SUSD4: variants seen among roughly 807,000 people sequenced by gnomAD.
SUSD4 encodes sushi domain-containing protein 4.
SUSD4 carries 41 observed loss-of-function variants against 50.5 expected under a neutral mutation model. That is an observed-to-expected ratio of 0.81 (90% CI 0.63 to 1.05). SUSD4 has a LOEUF of 1.05. Ranked by LOEUF, SUSD4 falls within the 50% of genes least tolerant of loss-of-function variation. The pLI is 0.00. For synonymous variants in SUSD4, 257 were observed against 257.3 expected (o/e 1.00, Z 0.01); for missense variants, 580 against 634.7 (o/e 0.91, Z 0.93).
intron 5 of SUSD4, among the ~76,000 whole-genome samples, chr1:223,242,883 A>G (rs140410973): frequency 6.6e-6 from 1 of 152,248 alleles, no homozygotes; most frequent in Admixed American, 6.5e-5. Flanking sequence ...GTGTGGGGAA[A>G]AGAAAGCATC....
chr1:223,315,656 G>A (rs1284539365), intron 2 of SUSD4, among the ~76,000 whole-genome samples: 1 of 152,156 alleles, frequency 6.6e-6, no homozygotes, highest in African/African-American at 2.4e-5. Context: ...CCGTGGTCTG[G>A]TTTTGTCTAT....
intron 2 of SUSD4, among the ~76,000 whole-genome samples, chr1:223,355,534 T>C (rs1033492766): frequency 2.6e-5 from 4 of 152,146 alleles, no homozygotes; most frequent in African/African-American, 4.8e-5. Flanking sequence ...TCTTTCTTTC[T>C]TAAAAAGAAT....
chr1:223,364,841 C>G (rs1157627972), upstream of SUSD4, among the ~76,000 whole-genome samples: 2 of 152,128 alleles, frequency 1.3e-5, no homozygotes, highest in Non-Finnish European at 2.9e-5. This position sits in a 1 kb window ranked among gnomAD's most constrained non-coding sequence, Gnocchi z 4.5. Context: ...CCGCGTTAAC[C>G]CCTCCCCGCT....
Position 223,222,146 on chromosome 1 carries a change from T to A in SUSD4, c.*46A>T. The stretch of plus-strand genomic sequence containing the variant: ...TGTGACCTCACTCCAAGATACAAGG[T>A]CCTTTCCCCGAAGGAGCAGGAGAGT... On this transcript the variant is annotated 3_prime_UTR_variant, in exon 9 of 9. Transcript: ENST00000366878. The A allele has an allele frequency of 6.2e-7, 1 of 1,603,458 alleles. No homozygotes were observed. The highest frequency in any genetic ancestry group is 1.1e-5 in the South Asian group (1 of 89,142).
chr1:223,360,681 CT>C (rs527298209), intron 2 of SUSD4, among the ~76,000 whole-genome samples: 3 of 151,800 alleles, frequency 2.0e-5, no homozygotes, highest in South Asian at 2.1e-4. Flanking sequence ...TGGGCACATG[CT>C]TTTTTTTTCT....
intron 2 of SUSD4, among the ~76,000 whole-genome samples, chr1:223,354,234 C>T (rs1361660039): frequency 2.0e-5 from 3 of 151,904 alleles, no homozygotes; most frequent in African/African-American, 7.3e-5. Flanking sequence ...ATAAGTCTCC[C>T]GCCCCCAAAT....
chr1:223,257,773 A>G (rs1344393247), intron 5 of SUSD4, among the ~76,000 whole-genome samples: 3 of 152,176 alleles, frequency 2.0e-5, no homozygotes, highest in Non-Finnish European at 4.4e-5. Flanking sequence ...GGGAGCTGAG[A>G]GACCCTGCGT....
chr1:223,244,954 C>T (rs1378319762), intron 5 of SUSD4, among the ~76,000 whole-genome samples: 1 of 152,066 alleles, frequency 6.6e-6, no homozygotes, highest in Admixed American at 6.5e-5. Flanking sequence ...GATGAGCTGT[C>T]CAGGAAAGTC....
intron 2 of SUSD4, among the ~76,000 whole-genome samples, chr1:223,295,408 T>G (rs1319926701): frequency 1.3e-5 from 2 of 152,126 alleles, no homozygotes; most frequent in East Asian, 3.8e-4. Context: ...CTATGTCAAA[T>G]AGAACCAGTG....
At chr1:223,326,074 G>C (rs1459265512) in intron 2 of SUSD4, among the ~76,000 whole-genome samples, 1 of 152,114 alleles carries the variant, frequency 6.6e-6, no homozygotes, top group Non-Finnish European at 1.5e-5. Context: ...CAAATCTGGA[G>C]GCATAACATT....
intron 3 of SUSD4, among the ~76,000 whole-genome samples, chr1:223,275,381 T>C (rs1352683705): frequency 6.6e-6 from 1 of 152,236 alleles, no homozygotes; most frequent in Non-Finnish European, 1.5e-5. Context: ...AATTATTTTA[T>C]CTTTAAAGAA....
At chr1:223,259,626 G>T (rs1448764576) in intron 5 of SUSD4, among the ~76,000 whole-genome samples, 1 of 152,170 alleles carries the variant, frequency 6.6e-6, no homozygotes, top group Non-Finnish European at 1.5e-5. Flanking sequence ...CTAACGGGTT[G>T]TGGGTGGTCC....
At chr1:223,356,568 G>T (rs891999190) in intron 2 of SUSD4, among the ~76,000 whole-genome samples, 2 of 152,058 alleles carry the variant, frequency 1.3e-5, no homozygotes, top group Admixed American at 1.3e-4. Context: ...GAGCCACCGT[G>T]CCTGGCCAGA....
At chr1:223,264,483 TG>T (rs1382086208) in intron 5 of SUSD4, 146 bp downstream of exon 5, 1 of 1,388,538 alleles carries the variant, frequency 7.2e-7, no homozygotes, top group Admixed American at 3.0e-5. Context: ...TCACGGCAGC[TG>T]ATCTCTGCTC....
At chr1:223,280,511 G>A (rs6662301) in intron 3 of SUSD4, among the ~76,000 whole-genome samples, 75,422 of 151,706 alleles carry the variant, frequency 0.5, 20,985 homozygotes, top group African/African-American at 0.76. Flanking sequence ...TAATGGTAAA[G>A]GGATCAATTC....
rs1272073888 is a variant in SUSD4, at chr1:223,252,658, G to GTTT, written c.724+11969_724+11971dup. Among the ~76,000 whole-genome samples the GTTT allele has an allele frequency of 5.9e-5, 9 of 151,974 alleles. No homozygotes were observed. In the East Asian group the frequency reaches 1.7e-3, roughly 29 times the overall value. ...AATACAGACTGATGTAGGCACAGGT[G>GTTT]TTTACTTGTGATAGCTTGAACTAAG... is the stretch of plus-strand genomic sequence containing the variant. On this transcript the variant is annotated intron_variant, in intron 5 of 8. Transcript: ENST00000366878.
intron 2 of SUSD4, among the ~76,000 whole-genome samples, chr1:223,343,102 C>T (rs915863479): frequency 2.6e-5 from 4 of 152,234 alleles, no homozygotes; most frequent in Non-Finnish European, 4.4e-5. Context: ...TCCAGGCACA[C>T]TGGCCTTCTT....
At chr1:223,278,556 A>G (rs1317003004) in intron 3 of SUSD4, among the ~76,000 whole-genome samples, 1 of 152,154 alleles carries the variant, frequency 6.6e-6, no homozygotes, top group African/African-American at 2.4e-5. Flanking sequence ...AAGGTAAACA[A>G]AGCAGCCTGG....
chr1:223,292,584 T>G lies in SUSD4; in HGVS notation c.216A>C (p.Gly72=), dbSNP rs1664564596. The change falls in exon 3 of 9, where the codon GGA becomes GGC. Residue 72 remains glycine (G), a synonymous_variant. Transcript: ENST00000366878. ...IPENGFRTPS[G]GVFFEGSVAR... is the part of the protein sequence containing the mutation. ...CTACAGAGCCTTCAAAGAAAACCCC[T>G]CCGCTGGGGGTCCTGAAGCCATTCT... 1 of 1,613,726 alleles carries G rather than the reference T, an allele frequency of 6.2e-7. No individual in the cohort carries two copies. Among genetic ancestry groups the G allele is most frequent in the Non-Finnish European group, 8.5e-7 (1 of 1,179,936 alleles).
Sources: allele counts gnomAD v4.1 joint callset (sites outside exome capture counted in the v4.1 genomes callset), GRCh38; gene constraint gnomAD v4.1.1; non-coding constraint Gnocchi (gnomAD v3.1); transcripts MANE v1.5; gene names NCBI Gene and HGNC (gene_info 2026-07-23, HGNC 2026-07-21).